SMYD3: variants seen among roughly 807,000 people sequenced by gnomAD.
The protein encoded by SMYD3 is histone-lysine N-methyltransferase SMYD3.
SMYD3 carries 36 observed loss-of-function variants against 57.7 expected under a neutral mutation model. The ratio of observed to expected loss-of-function variants is 0.62; its 90% CI spans 0.48 to 0.82. The LOEUF is 0.82. SMYD3 is among the 40% of genes least tolerant of loss of function. The probability of loss-of-function intolerance (pLI) is 0.00; values close to 1 mark genes in which losing one functional copy is unlikely to be tolerated. For synonymous variants in SMYD3, 211 were observed against 195.0 expected (o/e 1.08, Z -0.68); for missense variants, 515 against 538.8 (o/e 0.96, Z 0.44).
At chr1:246,009,202 G>A (rs80341640) in intron 5 of SMYD3, among the ~76,000 whole-genome samples, 7,995 of 152,224 alleles carry the variant, frequency 0.053, 288 homozygotes, top group East Asian at 0.15. Context: ...CCTTCAAGGC[G>A]CTCACAATGC....
intron 1 of SMYD3, among the ~76,000 whole-genome samples, chr1:246,444,941 G>T (rs1297671914): frequency 6.6e-6 from 1 of 152,332 alleles, no homozygotes; most frequent in Non-Finnish European, 1.5e-5. Context: ...AAAGTCTGGG[G>T]TTTGGATTCC....
intron 1 of SMYD3, among the ~76,000 whole-genome samples, chr1:246,396,235 G>A (rs1020023632): frequency 1.3e-5 from 2 of 152,142 alleles, no homozygotes; most frequent in Non-Finnish European, 2.9e-5. Context: ...GGGCTTTATA[G>A]GTATACGTAC....
intron 5 of SMYD3, among the ~76,000 whole-genome samples, chr1:246,025,041 A>G (rs373739137): frequency 6.0e-4 from 91 of 151,312 alleles, no homozygotes; most frequent in Non-Finnish European, 1.1e-3. Context: ...AGCATCTAGG[A>G]AGAGAGATAC....
chr1:246,506,766 C>T (rs1335877887), intron 1 of SMYD3, among the ~76,000 whole-genome samples: 1 of 152,240 alleles, frequency 6.6e-6, no homozygotes, highest in Non-Finnish European at 1.5e-5. Flanking sequence ...GCTTCCCCCT[C>T]AAGTCTGCCC....
At chr1:245,853,655 T>C (rs1404506275) in intron 10 of SMYD3, among the ~76,000 whole-genome samples, 1 of 152,062 alleles carries the variant, frequency 6.6e-6, no homozygotes, top group Non-Finnish European at 1.5e-5. Flanking sequence ...TTGAAAACAG[T>C]AGAAGGTACT....
chr1:246,007,410 G>T (rs1272613415), intron 5 of SMYD3, among the ~76,000 whole-genome samples: 1 of 152,144 alleles, frequency 6.6e-6, no homozygotes, highest in African/African-American at 2.4e-5. Context: ...ACAACTCTCT[G>T]ATCTCACCTT....
intron 5 of SMYD3, among the ~76,000 whole-genome samples, chr1:246,127,896 A>AAAAAGAAAAGAAAAGAAAAG (rs60532931): frequency 4.8e-4 from 71 of 147,894 alleles, no homozygotes; most frequent in African/African-American, 1.7e-3. Context: ...ACTCTGTCTC[A>AAAAAGAAAAGAAAAGAAAAG]AAAAGAAAAG....
rs1026709956 is a variant in SMYD3, at chr1:245,849,237, G to C, written c.1076+9259C>G. 3.3e-5 allele frequency among the ~76,000 whole-genome samples: 5 copies of C among 152,192 alleles called. No individual in the cohort carries two copies. In the East Asian group the frequency reaches 9.6e-4, roughly 29 times the overall value. On this transcript the variant is annotated intron_variant, in intron 10 of 11. Transcript: ENST00000490107. ...ACCTAGAATGACTCATGCTGTTACA[G>C]GAAATCCAGCAGCTCCCCTTAGCAC...
intron 5 of SMYD3, among the ~76,000 whole-genome samples, chr1:246,106,921 A>G (rs925588765): frequency 1.3e-5 from 2 of 152,222 alleles, no homozygotes; most frequent in Non-Finnish European, 2.9e-5. Flanking sequence ...CAAAGTGAGG[A>G]GAAAAACAGC....
intron 5 of SMYD3, among the ~76,000 whole-genome samples, chr1:246,006,565 A>T (rs924842252): frequency 1.2e-4 from 14 of 115,692 alleles, no homozygotes; most frequent in African/African-American, 3.5e-4. Flanking sequence ...ATTCTGACTT[A>T]TTCTCAGAAG....
intron 1 of SMYD3, among the ~76,000 whole-genome samples, chr1:246,393,173 AAAC>A (rs1251012980): frequency 7.9e-5 from 12 of 152,240 alleles, no homozygotes. Context: ...GGTAATGGCT[AAAC>A]AACTCTGAGA....
chr1:246,222,280 C>T (rs2063267577), intron 5 of SMYD3, among the ~76,000 whole-genome samples: 1 of 152,162 alleles, frequency 6.6e-6, no homozygotes. Flanking sequence ...TCACATTCAT[C>T]TGATTATCAT....
intron 5 of SMYD3, among the ~76,000 whole-genome samples, chr1:246,142,277 A>C (rs2061769218): frequency 6.6e-6 from 1 of 152,166 alleles, no homozygotes; most frequent in South Asian, 2.1e-4. Flanking sequence ...CTAATAAAAC[A>C]ATTATAATAA....
At chr1:245,859,541 G>C (rs900726373) in intron 9 of SMYD3, among the ~76,000 whole-genome samples, 8 of 152,168 alleles carry the variant, frequency 5.3e-5, no homozygotes, top group Non-Finnish European at 1.2e-4. Context: ...CATGGTTTAT[G>C]GAGCGTAATT....
At chr1:246,211,567 T>C (rs7340039) in intron 5 of SMYD3, among the ~76,000 whole-genome samples, 13,431 of 152,080 alleles carry the variant, frequency 0.088, 1,047 homozygotes, top group East Asian at 0.24. Flanking sequence ...TGAAAGCATA[T>C]AGACAATACC....
At chr1:246,473,995 C>T (rs1215680354) in intron 1 of SMYD3, among the ~76,000 whole-genome samples, 1 of 152,152 alleles carries the variant, frequency 6.6e-6, no homozygotes, top group Non-Finnish European at 1.5e-5. Flanking sequence ...TCTGCTAGGC[C>T]ATTTAAATTC....
chr1:246,463,622 C>T (rs1203724917), intron 1 of SMYD3, among the ~76,000 whole-genome samples: 2 of 124,950 alleles, frequency 1.6e-5, no homozygotes, highest in African/African-American at 6.0e-5. Context: ...TGGAGACCAT[C>T]GTGGCTAACA....
chr1:245,923,540 A>G (rs2147815158), intron 7 of SMYD3, among the ~76,000 whole-genome samples: 1 of 152,296 alleles, frequency 6.6e-6, no homozygotes, highest in East Asian at 1.9e-4. Context: ...TATTGATGAG[A>G]ACTGCTTCCT....
intron 5 of SMYD3, among the ~76,000 whole-genome samples, chr1:246,225,788 G>T (rs531360809): frequency 1.6e-4 from 24 of 152,270 alleles, no homozygotes; most frequent in African/African-American, 5.8e-4. Context: ...CTAATCAGAG[G>T]TTTTGCGGAG....
Sources: gnomAD v4.1 joint callset for allele counts (sites outside exome capture counted in the v4.1 genomes callset) on GRCh38, gnomAD v4.1.1 for gene constraint, MANE v1.5 for transcripts, NCBI Gene and HGNC (gene_info 2026-07-23, HGNC 2026-07-21) for gene names.